Variants in KLHL8 observed in about 807,000 individuals in gnomAD.
KLHL8 encodes the protein kelch like family member 8, also known as kelch-like protein 8.
In KLHL8, 38 loss-of-function variants were observed where a neutral mutation model predicts 63.5. That is an observed-to-expected ratio of 0.60 (90% CI 0.46 to 0.78). The LOEUF (loss-of-function observed/expected upper bound fraction) is 0.78, where lower values mean the gene tolerates loss of function less well. Ranked by LOEUF, KLHL8 falls within the 30% of genes least tolerant of loss-of-function variation. The probability of loss-of-function intolerance (pLI) is 0.00; values close to 1 mark genes in which losing one functional copy is unlikely to be tolerated. For missense variants in KLHL8, 566 were observed against 752.4 expected (o/e 0.75, Z 2.90); for synonymous variants, 224 against 254.3 (o/e 0.88, Z 1.13).
At chr4:87,175,984 T>C (rs1730803194) in intron 6 of KLHL8, among the ~76,000 whole-genome samples, 1 of 152,210 alleles carries the variant, frequency 6.6e-6, no homozygotes, top group Non-Finnish European at 1.5e-5. Context: ...ACCTACTATC[T>C]CTGCCATTAT....
chr4:87,226,427 G>A (rs1201677533), intron 1 of KLHL8, among the ~76,000 whole-genome samples: 1 of 149,964 alleles, frequency 6.7e-6, no homozygotes, highest in South Asian at 2.1e-4. Context: ...GCCGGGCATG[G>A]CGGTGCACGC....
intron 8 of KLHL8, among the ~76,000 whole-genome samples, chr4:87,168,726 A>G (rs936571808): frequency 6.1e-5 from 9 of 148,486 alleles, no homozygotes; most frequent in African/African-American, 2.2e-4. Flanking sequence ...ATATACGTAT[A>G]TATATGTGTG....
intron 7 of KLHL8, 68 bp downstream of exon 7, chr4:87,170,379 G>T: frequency 6.7e-7 from 1 of 1,492,722 alleles, no homozygotes; most frequent in South Asian, 1.3e-5. Flanking sequence ...TGATATATTG[G>T]ACCTTTCCTT....
Position 87,176,859 on chromosome 4 carries a change from T to C in KLHL8, c.1106A>G (p.Tyr369Cys). 2 of 1,583,614 alleles carry C rather than the reference T, an allele frequency of 1.3e-6. No homozygotes were observed. The highest frequency in any genetic ancestry group is 1.7e-6 in the Non-Finnish European group (2 of 1,159,436). ...ATTTCCATCATGTCCACCTACTGCA[T>C]ACACTTTACCTGTCAAATAGAGAAG... is the stretch of plus-strand genomic sequence containing the variant. ...VGVISVEGKVYAVGGHDGNEH... is the reference protein window; with the variant it reads ...VGVISVEGKVCAVGGHDGNEH... The change falls in exon 6 of 10, where the codon TAT (tyrosine) becomes TGT (cysteine). Residue 369 changes from tyrosine to cysteine, a missense_variant. Physicochemically the swap from Tyr to Cys is radical, Grantham distance 194 (BLOSUM62 -2). Transcript: ENST00000273963.
At chr4:87,210,229 C>T (rs1181288369) in intron 1 of KLHL8, among the ~76,000 whole-genome samples, 1 of 151,998 alleles carries the variant, frequency 6.6e-6, no homozygotes, top group Admixed American at 6.6e-5. Context: ...CGCCTGTAAT[C>T]CCAGCACTTT....
chr4:87,185,764 T>A lies in KLHL8; in HGVS notation c.252A>T (p.Val84=), dbSNP rs1449940712. The part of the protein sequence containing the change: ...GSKLISCHKL[V]LACVIPYFRA... Reference sequence around the variant, plus strand: ...TAAAGTAGGGAATAACACAAGCCAATACCAGCTTGTGACAAGAGATTAGCT... The same window carrying A: ...TAAAGTAGGGAATAACACAAGCCAAAACCAGCTTGTGACAAGAGATTAGCT... Residue 84 remains valine (V), a synonymous_variant, in exon 3 of 10, where the codon GTA becomes GTT. Transcript: ENST00000273963. The A allele has an allele frequency of 6.2e-7, 1 of 1,611,570 alleles. No homozygotes were observed. Among genetic ancestry groups the A allele is most frequent in the East Asian group, 2.2e-5 (1 of 44,828 alleles).
chr4:87,161,524 A>G lies in KLHL8; in HGVS notation c.*1995T>C, dbSNP rs1221218060. The G allele has an allele frequency of 1.3e-5, 2 of 152,230 alleles. No homozygotes were observed. The highest frequency in any genetic ancestry group is 4.8e-5 in the African/African-American group (2 of 41,456). The allele number at this position is 152,230 out of a possible 1,614,324, so 9.4% of individuals were successfully genotyped here. On this transcript the variant is annotated 3_prime_UTR_variant, in exon 10 of 10. Transcript: ENST00000273963. ...TAATAACCCTTATAACTCCTTACAT[A>G]TAAGAAAGACAGAAATACATCAAAG...
intron 1 of KLHL8, among the ~76,000 whole-genome samples, chr4:87,211,280 T>A (rs1487530283): frequency 6.6e-6 from 1 of 152,220 alleles, no homozygotes; most frequent in Non-Finnish European, 1.5e-5. Context: ...AAGGTAATAC[T>A]CTTCTTAAAA....
rs537002887 is a variant in KLHL8, at chr4:87,205,921, A to G, written c.-151-10231T>C. On this transcript the variant is annotated intron_variant, in intron 1 of 9. Coordinates refer to ENST00000273963, the MANE Select transcript of KLHL8 (RefSeq NM_020803.5). ...AGCCTGTGCTATTAACTACCACACT[A>G]CAGTTCAAAGCACTTTAGAAGTGAA... Among the ~76,000 whole-genome samples, 9 of 152,336 alleles carry G rather than the reference A, an allele frequency of 5.9e-5. No individual in the cohort carries two copies. The East Asian group carries it at 1.5e-3, about 26-fold the overall frequency.
intron 1 of KLHL8, among the ~76,000 whole-genome samples, chr4:87,219,277 A>G (rs1345034540): frequency 6.6e-6 from 1 of 152,224 alleles, no homozygotes; most frequent in African/African-American, 2.4e-5. Flanking sequence ...TGCGTACCCA[A>G]GAGTACCGCA....
At chr4:87,207,261 C>T (rs1732167163) in intron 1 of KLHL8, 11 of 572,874 alleles carry the variant, frequency 1.9e-5, no homozygotes, top group Admixed American at 8.1e-5. Flanking sequence ...TTCCATGCAC[C>T]GTAAAGGCTG....
At chr4:87,215,003 T>C (rs1732544261) in intron 1 of KLHL8, among the ~76,000 whole-genome samples, 1 of 152,134 alleles carries the variant, frequency 6.6e-6, no homozygotes, top group South Asian at 2.1e-4. Context: ...TTCATCATGT[T>C]GACCAGGCTG....
At chr4:87,182,211 C>G (rs1405000430) in intron 4 of KLHL8, among the ~76,000 whole-genome samples, 1 of 124,668 alleles carries the variant, frequency 8.0e-6, no homozygotes. Flanking sequence ...CCAACCTGGG[C>G]GACAGAGACT....
intron 1 of KLHL8, among the ~76,000 whole-genome samples, chr4:87,214,291 T>G (rs1195591534): frequency 6.6e-6 from 1 of 151,348 alleles, no homozygotes; most frequent in Non-Finnish European, 1.5e-5. Flanking sequence ...TGTATGATAT[T>G]GGTTAAGTTA....
chr4:87,201,550 T>C (rs888461760), intron 1 of KLHL8, among the ~76,000 whole-genome samples: 3 of 152,192 alleles, frequency 2.0e-5, no homozygotes, highest in South Asian at 2.1e-4. Flanking sequence ...TGGGTGCTTA[T>C]AGAACACTCC....
chr4:87,217,103 G>C (rs1015703890), intron 1 of KLHL8, among the ~76,000 whole-genome samples: 13 of 152,014 alleles, frequency 8.6e-5, no homozygotes, highest in African/African-American at 3.1e-4. Flanking sequence ...TCAAAACAGA[G>C]AAAACAGAAT....
chr4:87,196,116 T>C (rs1251640243), intron 1 of KLHL8, among the ~76,000 whole-genome samples: 3 of 151,610 alleles, frequency 2.0e-5, no homozygotes, highest in Non-Finnish European at 4.4e-5. Flanking sequence ...TACGTGGCCA[T>C]GAACTAAAAA....
At chr4:87,183,092 C>G (rs1400719251) in intron 4 of KLHL8, 111 bp downstream of exon 4, 4 of 696,140 alleles carry the variant, frequency 5.7e-6, no homozygotes, top group East Asian at 2.7e-5. Context: ...CCAATTATTA[C>G]TTTAAGGCAA....
chr4:87,183,828 T>G (rs1731146487), intron 3 of KLHL8, among the ~76,000 whole-genome samples: 1 of 152,238 alleles, frequency 6.6e-6, no homozygotes, highest in Non-Finnish European at 1.5e-5. Flanking sequence ...TAGGGAAATG[T>G]GATTTCTTAC....
Sources: gnomAD v4.1 joint callset for allele counts (sites outside exome capture counted in the v4.1 genomes callset) on GRCh38, gnomAD v4.1.1 for gene constraint, MANE v1.5 for transcripts, NCBI Gene and HGNC (gene_info 2026-07-23, HGNC 2026-07-21) for gene names.